GPR137B: variants seen among roughly 807,000 people sequenced by gnomAD.
The protein encoded by GPR137B is G protein-coupled receptor 137B.
Under a neutral mutation model 42.5 loss-of-function variants are expected in GPR137B, and 42 were observed. The ratio of observed to expected loss-of-function variants is 0.99; its 90% CI spans 0.77 to 1.28. The LOEUF (loss-of-function observed/expected upper bound fraction) is 1.28, where lower values mean the gene tolerates loss of function less well. GPR137B is among the 50% of genes most tolerant of loss of function. GPR137B has a pLI of 0.00. For missense variants in GPR137B, 487 were observed against 493.9 expected, an observed-to-expected ratio of 0.99 and a Z score of 0.13; for synonymous variants, 218 against 209.7, an observed-to-expected ratio of 1.04 and a Z score of -0.34.
rs940936557 is a variant in GPR137B, at chr1:236,155,333, C to T, written c.414+12297C>T. On this transcript the variant is annotated intron_variant, in intron 1 of 6. Transcript: ENST00000366592. The surrounding 1 kb of genome is among the most constrained non-coding windows in gnomAD (Gnocchi z 4.6). ...TATTTGTCCTAATGCTTTCACCTCG[C>T]AGATAGACACTGAGGCCTAGAAAGG... Among the ~76,000 whole-genome samples the T allele has an allele frequency of 1.3e-5, 2 of 152,216 alleles. No individual in the cohort carries two copies. Among genetic ancestry groups the T allele is most frequent in the African/African-American group, 4.8e-5 (2 of 41,456 alleles).
chr1:236,165,184 C>T (rs979077285), intron 1 of GPR137B, among the ~76,000 whole-genome samples: 3 of 152,186 alleles, frequency 2.0e-5, no homozygotes, highest in South Asian at 2.1e-4. Flanking sequence ...GGATTACAGG[C>T]GTGAGCCACT....
chr1:236,208,397 G>A lies in GPR137B; in HGVS notation c.*239G>A, dbSNP rs1009638226. On this transcript the variant is annotated 3_prime_UTR_variant, in exon 7 of 7. Coordinates refer to ENST00000366592, the MANE Select transcript of GPR137B (RefSeq NM_003272.4). Reference sequence around the variant, plus strand: ...AATTTAAACTTTTTAAAGAAAATCTGTACTTTTATAAAGATGTATTTTGTA... The same window carrying A: ...AATTTAAACTTTTTAAAGAAAATCTATACTTTTATAAAGATGTATTTTGTA... 2 of 1,093,924 alleles carry A rather than the reference G, an allele frequency of 1.8e-6. No homozygotes were observed. Among genetic ancestry groups the A allele is most frequent in the African/African-American group, 1.6e-5 (1 of 62,128 alleles). 67.8% of individuals were successfully genotyped at this position (1,093,924 alleles called of 1,614,324 possible). A position where few individuals can be genotyped will look rare whatever the true frequency, so the allele number is the denominator to read the frequency against.
chr1:236,182,235 A>G (rs1193300258), intron 4 of GPR137B, among the ~76,000 whole-genome samples: 1 of 152,138 alleles, frequency 6.6e-6, no homozygotes, highest in African/African-American at 2.4e-5. Flanking sequence ...GGTATTAAGT[A>G]CACTCAGTGT....
chr1:236,170,130 G>T (rs1048989565), intron 2 of GPR137B, among the ~76,000 whole-genome samples: 3 of 151,878 alleles, frequency 2.0e-5, no homozygotes, highest in Admixed American at 1.3e-4. Context: ...CGGGGGTGCA[G>T]TGTGAGTCCA....
chr1:236,146,274 C>T (rs1468333601), intron 1 of GPR137B, among the ~76,000 whole-genome samples: 2 of 152,090 alleles, frequency 1.3e-5, no homozygotes, highest in African/African-American at 2.4e-5. Context: ...AGTTAAGGCA[C>T]GATTTGCGGC....
At chr1:236,196,580 A>C (rs912770705) in intron 5 of GPR137B, among the ~76,000 whole-genome samples, 3 of 152,240 alleles carry the variant, frequency 2.0e-5, no homozygotes, top group Non-Finnish European at 4.4e-5. Context: ...TGTACACTGT[A>C]CCCAATGTGT....
chr1:236,162,441 A>G (rs1424794234), intron 1 of GPR137B, among the ~76,000 whole-genome samples: 1 of 152,222 alleles, frequency 6.6e-6, no homozygotes, highest in African/African-American at 2.4e-5. Context: ...CGCTACAGAA[A>G]TGTGTATAAG....
At chr1:236,158,712 G>A (rs1662103028) in intron 1 of GPR137B, among the ~76,000 whole-genome samples, 1 of 152,164 alleles carries the variant, frequency 6.6e-6, no homozygotes, top group African/African-American at 2.4e-5. Context: ...AGGAGTCTCA[G>A]CCCACAGGCA....
At chr1:236,176,700 G>A in intron 2 of GPR137B, among the ~76,000 whole-genome samples, 1 of 152,118 alleles carries the variant, frequency 6.6e-6, no homozygotes. Context: ...GAAATAAAAG[G>A]GCAGCCCTTG....
chr1:236,151,291 A>C (rs1661852223), intron 1 of GPR137B, among the ~76,000 whole-genome samples: 2 of 152,116 alleles, frequency 1.3e-5, no homozygotes, highest in Non-Finnish European at 2.9e-5. Flanking sequence ...TGAAGCTTAG[A>C]GTCCATTAAC....
At chr1:236,180,291 T>TA in intron 4 of GPR137B, 1 of 348,848 alleles carries the variant, frequency 2.9e-6, no homozygotes, top group Non-Finnish European at 5.2e-6. Flanking sequence ...TTTTAATTGT[T>TA]ATTAGTATTT....
intron 2 of GPR137B, among the ~76,000 whole-genome samples, chr1:236,177,744 C>T (rs943255898): frequency 6.6e-6 from 1 of 151,730 alleles, no homozygotes; most frequent in African/African-American, 2.4e-5. Flanking sequence ...TTAGTAGAGA[C>T]GGGGTTTCAC....
intron 5 of GPR137B, among the ~76,000 whole-genome samples, chr1:236,204,140 G>A (rs1205897980): frequency 6.6e-6 from 1 of 151,772 alleles, no homozygotes; most frequent in African/African-American, 2.4e-5. Context: ...ATTTTATCAA[G>A]TGCTTTTTTA....
At chr1:236,161,896 G>A (rs1051427708) in intron 1 of GPR137B, among the ~76,000 whole-genome samples, 4 of 152,116 alleles carry the variant, frequency 2.6e-5, no homozygotes, top group Non-Finnish European at 5.9e-5. Flanking sequence ...TATCAGCAGT[G>A]TGAAAATGGA....
intron 1 of GPR137B, among the ~76,000 whole-genome samples, chr1:236,145,820 A>G (rs1330866290): frequency 6.6e-6 from 1 of 152,198 alleles, no homozygotes; most frequent in Non-Finnish European, 1.5e-5. Context: ...GCTGGGATTC[A>G]ACACACATCT....
At position 236,179,968 on chromosome 1, in the gene GPR137B, A is replaced by G. The variant is rs771168507; in HGVS notation, c.777A>G (p.Ser259=). ...SRACYNLFIL[S]FSQNKSVHSF... ...CCTGCTACAACCTGTTCATCCTGTC[A>G]TTTTCTCAGAACAAGAGCGTCCATT... Residue 259 remains serine, a synonymous_variant, in exon 4 of 7, where the codon TCA becomes TCG. Coordinates refer to ENST00000366592, the MANE Select transcript of GPR137B (RefSeq NM_003272.4). 11 of 1,613,352 alleles carry G rather than the reference A, an allele frequency of 6.8e-6. No homozygotes were observed. The Admixed American group carries it at 1.5e-4, about 22-fold the overall frequency.
rs1662303043 is a variant in GPR137B, at chr1:236,164,863, T to TTGAATAG, written c.415-3840_415-3834dup. On this transcript the variant is annotated intron_variant, in intron 1 of 6. Transcript: ENST00000366592. ...TTAAGGAAGAGTTTCTCAGCACAGC[T>TTGAATAG]TGAATAGTGCCCAGATGAATTCAAG... 3.3e-5 allele frequency among the ~76,000 whole-genome samples: 5 copies of TTGAATAG among 150,814 alleles called. No individual in the cohort carries two copies. The South Asian group carries it at 1.1e-3, about 32-fold the overall frequency.
At chr1:236,163,800 T>A (rs1019835245) in intron 1 of GPR137B, among the ~76,000 whole-genome samples, 3 of 152,182 alleles carry the variant, frequency 2.0e-5, no homozygotes, top group Non-Finnish European at 4.4e-5. Flanking sequence ...CAGATATGTC[T>A]TCATCAGCAG....
chr1:236,184,843 T>G (rs770261814), intron 5 of GPR137B, among the ~76,000 whole-genome samples: 3 of 152,004 alleles, frequency 2.0e-5, no homozygotes, highest in Admixed American at 1.3e-4. Flanking sequence ...CTCAGCTCAC[T>G]GCAACCTCCG....
Sources: gnomAD v4.1 joint callset for allele counts (sites outside exome capture counted in the v4.1 genomes callset) on GRCh38, gnomAD v4.1.1 for gene constraint, Gnocchi (gnomAD v3.1) non-coding constraint, MANE v1.5 for transcripts, NCBI Gene and HGNC (gene_info 2026-07-23, HGNC 2026-07-21) for gene names.